The following CANX variants were observed in gnomAD, a reference collection of about 807,000 sequenced individuals.
The protein encoded by CANX is calnexin.
In CANX, 14 loss-of-function variants were observed where a neutral mutation model predicts 75.7. The observed-to-expected ratio is 0.19, with a 90% CI of 0.12 to 0.29. The LOEUF is 0.29. Ranked by LOEUF, CANX falls within the 10% of genes least tolerant of loss-of-function variation. The pLI, the probability that CANX is intolerant of heterozygous loss-of-function variation, is 1.00. For missense variants in CANX, 567 were observed against 713.2 expected, an observed-to-expected ratio of 0.79 and a Z score of 2.34; for synonymous variants, 227 against 236.9, an observed-to-expected ratio of 0.96 and a Z score of 0.38.
intron 8 of CANX, among the ~76,000 whole-genome samples, chr5:179,718,110 TC>T (rs946264631): frequency 6.6e-6 from 1 of 152,142 alleles, no homozygotes; most frequent in African/African-American, 2.4e-5. Flanking sequence ...GGTCAAGCGA[TC>T]CTCTCCCGCC....
chr5:179,708,063 C>G (rs1454670658), intron 4 of CANX, among the ~76,000 whole-genome samples, 176 bp from the exon 5 acceptor site: 2 of 152,130 alleles, frequency 1.3e-5, no homozygotes, highest in Non-Finnish European at 2.9e-5. Context: ...TCTCGAACTC[C>G]TGACCTTGAG....
At chr5:179,694,369 A>G (rs572580874), upstream of CANX, 88 of 582,112 alleles carry the variant, frequency 1.5e-4, 1 homozygote, top group Admixed American at 1.8e-3. Context: ...TCTAAATTTG[A>G]TGAAATGGCA....
At chr5:179,715,204 G>C (rs1777853395) in intron 7 of CANX, among the ~76,000 whole-genome samples, 1 of 152,112 alleles carries the variant, frequency 6.6e-6, no homozygotes, top group Non-Finnish European at 1.5e-5. Context: ...GTGGAATCTG[G>C]GCTTTAATAT....
chr5:179,709,798 T>C (rs985522027), intron 6 of CANX, 75 bp from the exon 7 acceptor site: 1 of 902,670 alleles, frequency 1.1e-6, no homozygotes, highest in African/African-American at 1.7e-5. Flanking sequence ...AGAGGAATTA[T>C]CATACACTTT....
At chr5:179,713,508 G>T (rs79459320) in intron 7 of CANX, among the ~76,000 whole-genome samples, 306 of 152,282 alleles carry the variant, frequency 2.0e-3, no homozygotes, top group Non-Finnish European at 3.5e-3. Flanking sequence ...ACAGAAATAA[G>T]GTAGAAGGAA....
rs181194158 is a variant in CANX, at chr5:179,729,078, G to T, written c.*434G>T. The T allele has an allele frequency of 2.1e-4, 48 of 230,762 alleles. No individual in the cohort carries two copies. The highest frequency in any genetic ancestry group is 1.9e-3 in the Admixed American group (35 of 18,376). The allele number at this position is 230,762 out of a possible 1,614,324, so 14.3% of individuals were successfully genotyped here. Reference sequence around the variant, plus strand: ...TATAATAGATTTTTTTTAAAGTTTGGTATTGTAAAACATTCACACCTCTGT... The same window carrying T: ...TATAATAGATTTTTTTTAAAGTTTGTTATTGTAAAACATTCACACCTCTGT... On this transcript the variant is annotated 3_prime_UTR_variant, in exon 15 of 15. Transcript: ENST00000247461.
chr5:179,698,607 A>G (rs759366426), upstream of CANX: 2 of 1,287,646 alleles, frequency 1.6e-6, no homozygotes, highest in South Asian at 1.2e-5. Flanking sequence ...CAGACGGGTG[A>G]GGGCTACTGG....
intron 1 of CANX, among the ~76,000 whole-genome samples, chr5:179,691,244 C>G (rs571849964): frequency 6.6e-6 from 1 of 152,028 alleles, no homozygotes; most frequent in East Asian, 2.0e-4. Context: ...AGGCTGGTCT[C>G]GAACTCCTGG....
At chr5:179,688,295 C>T (rs1562437161) in intron 1 of CANX, among the ~76,000 whole-genome samples, 2 of 150,748 alleles carry the variant, frequency 1.3e-5, no homozygotes, top group Admixed American at 6.6e-5. Flanking sequence ...CCTCAGGATC[C>T]GCCTGGCTTA....
chr5:179,711,143 G>A (rs1777524609), intron 7 of CANX, among the ~76,000 whole-genome samples: 1 of 152,172 alleles, frequency 6.6e-6, no homozygotes, highest in African/African-American at 2.4e-5. Flanking sequence ...AAGCTTCTTG[G>A]CCACGTATGG....
chr5:179,705,394 T>A (rs1281099365), intron 1 of CANX, among the ~76,000 whole-genome samples: 1 of 152,244 alleles, frequency 6.6e-6, no homozygotes, highest in Admixed American at 6.5e-5. Flanking sequence ...TGTTGGAAAT[T>A]GTATTTGAAT....
chr5:179,694,666 C>G (rs1183403097), upstream of CANX: 3 of 761,174 alleles, frequency 3.9e-6, no homozygotes, highest in Admixed American at 1.9e-5. Context: ...GATTCTAAGT[C>G]GAAAGGGAAG....
In CANX at chr5:179,719,869, T is replaced by A. The variant is rs1778197894; in HGVS notation, c.1025+88T>A. On this transcript the variant is annotated intron_variant, in intron 9 of 14. Transcript: ENST00000247461. ...TGGAGTCTCACTCTGTCTCCCAGGC[T>A]GGAGTTCAGTGGCGCAGTTTCGGCT... 3 of 715,304 alleles carry A rather than the reference T, an allele frequency of 4.2e-6. 1 individual carries two copies. Among genetic ancestry groups the A allele is most frequent in the Admixed American group, 5.2e-5 (2 of 38,244 alleles). 44.3% of individuals were successfully genotyped at this position (715,304 alleles called of 1,614,324 possible). A position where few individuals can be genotyped will look rare whatever the true frequency, so the allele number is the denominator to read the frequency against.
upstream of CANX, among the ~76,000 whole-genome samples, chr5:179,696,267 C>CTTT (rs34048949): frequency 3.1e-3 from 174 of 56,702 alleles, 1 homozygote; most frequent in East Asian, 4.7e-3. Flanking sequence ...AGTGTCATTT[C>CTTT]TTTTTTTTTT....
At chr5:179,685,669 C>T (rs764484487) in intron 1 of CANX, among the ~76,000 whole-genome samples, 1 of 151,374 alleles carries the variant, frequency 6.6e-6, no homozygotes, top group Non-Finnish European at 1.5e-5. Flanking sequence ...ATACTCCTGC[C>T]TCAGCCTCCC....
At chr5:179,693,019 G>A (rs1031795927) in intron 1 of CANX, among the ~76,000 whole-genome samples, 4 of 151,568 alleles carry the variant, frequency 2.6e-5, no homozygotes, top group Non-Finnish European at 4.4e-5. Flanking sequence ...AGTGGCAGGC[G>A]CCTGTAGTCC....
chr5:179,684,924 G>GTT (rs781629512), intron 1 of CANX, among the ~76,000 whole-genome samples: 543 of 28,930 alleles, frequency 0.019, 68 homozygotes, highest in Non-Finnish European at 0.026. Flanking sequence ...GGCTAATTTT[G>GTT]TATTTTTTTT....
intron 7 of CANX, chr5:179,715,758 C>T (rs961049577): frequency 3.7e-5 from 10 of 266,940 alleles, no homozygotes; most frequent in Non-Finnish European, 5.9e-5. Flanking sequence ...ACGTATTTGT[C>T]TTCTCACTGG....
intron 1 of CANX, chr5:179,700,507 A>G (rs1285004800): frequency 1.3e-5 from 2 of 152,330 alleles, no homozygotes; most frequent in Non-Finnish European, 2.9e-5. Context: ...TCTCCTGTGC[A>G]TCAGCCAGGG....
Sources: allele counts gnomAD v4.1 joint callset (sites outside exome capture counted in the v4.1 genomes callset), GRCh38; gene constraint gnomAD v4.1.1; transcripts MANE v1.5; gene names NCBI Gene and HGNC (gene_info 2026-07-23, HGNC 2026-07-21).